The following CFAP221 variants were observed in gnomAD, a reference collection of about 807,000 sequenced individuals.
CFAP221 encodes the protein cilia and flagella associated protein 221, also known as cilia- and flagella-associated protein 221.
CFAP221 carries 97 observed loss-of-function variants against 113.1 expected under a neutral mutation model. The observed-to-expected ratio is 0.86, with a 90% CI of 0.73 to 1.02. The LOEUF (loss-of-function observed/expected upper bound fraction) is 1.02, where lower values mean the gene tolerates loss of function less well. Ranked by LOEUF, CFAP221 falls within the 50% of genes least tolerant of loss-of-function variation. The pLI is 0.00. For missense variants in CFAP221, 1,025 were observed against 1,013.4 expected (o/e 1.01, Z -0.16); for synonymous variants, 331 against 354.4 (o/e 0.93, Z 0.74).
intron 3 of CFAP221, chr2:119,557,117 G>C (rs1680863257): frequency 6.6e-6 from 1 of 152,140 alleles, no homozygotes; most frequent in East Asian, 1.9e-4. Context: ...ACAGATCTCT[G>C]TTCTGGTCTT....
intron 11 of CFAP221, among the ~76,000 whole-genome samples, chr2:119,608,028 C>A (rs6750770): frequency 0.99 from 150,252 of 152,320 alleles, 74,152 homozygotes; most frequent in Non-Finnish European, 1. Flanking sequence ...CATACCTAGG[C>A]GTGGAACTGC....
At chr2:119,552,318 GA>G (rs1343463828) in intron 3 of CFAP221, among the ~76,000 whole-genome samples, 1 of 141,570 alleles carries the variant, frequency 7.1e-6, no homozygotes, top group East Asian at 2.0e-4. Context: ...TCTTTAATAA[GA>G]AATAAATAGA....
chr2:119,567,142 A>G (rs1574017496), intron 6 of CFAP221, among the ~76,000 whole-genome samples: 2 of 152,284 alleles, frequency 1.3e-5, no homozygotes, highest in Non-Finnish European at 1.5e-5. Flanking sequence ...ATTATCACCC[A>G]AAGTCCATAG....
chr2:119,640,295 G>C (rs192927932), intron 21 of CFAP221, among the ~76,000 whole-genome samples: 1 of 151,982 alleles, frequency 6.6e-6, no homozygotes, highest in African/African-American at 2.4e-5. Flanking sequence ...AAGGATCCAT[G>C]GCCCTCTTGT....
At position 119,605,171 on chromosome 2, in the gene CFAP221, C is replaced by T; in HGVS notation, c.1025-10C>T. 1 of 1,607,158 alleles carries T rather than the reference C, an allele frequency of 6.2e-7. No homozygotes were observed. Among genetic ancestry groups the T allele is most frequent in the Non-Finnish European group, 8.5e-7 (1 of 1,173,782 alleles). On this transcript the variant is annotated splice_polypyrimidine_tract_variant and intron_variant, in intron 10 of 23. Transcript: ENST00000413369. Reference sequence around the variant, plus strand: ...TTACTGGTATAAACATTGTCTGCTCCTGCCTTCAGTTTTGGACCAGGGCAC... The same window carrying T: ...TTACTGGTATAAACATTGTCTGCTCTTGCCTTCAGTTTTGGACCAGGGCAC...
intron 7 of CFAP221, among the ~76,000 whole-genome samples, chr2:119,594,709 G>A (rs1460281040): frequency 6.6e-6 from 1 of 152,226 alleles, no homozygotes; most frequent in Non-Finnish European, 1.5e-5. Context: ...TGTGGAAGAA[G>A]GGATAATAAT....
intron 6 of CFAP221, among the ~76,000 whole-genome samples, chr2:119,565,745 T>C (rs1253288506): frequency 1.3e-5 from 2 of 152,314 alleles, no homozygotes; most frequent in East Asian, 3.9e-4. Flanking sequence ...CTTCATACCC[T>C]TAACGTAATG....
chr2:119,613,977 C>T (rs1337528456), intron 13 of CFAP221, among the ~76,000 whole-genome samples: 13 of 152,224 alleles, frequency 8.5e-5, no homozygotes, highest in African/African-American at 3.1e-4. Context: ...ACCCAAGTCA[C>T]CTCTTGAACA....
At chr2:119,584,314 T>C (rs1429147464) in intron 6 of CFAP221, among the ~76,000 whole-genome samples, 1 of 152,180 alleles carries the variant, frequency 6.6e-6, no homozygotes, top group African/African-American at 2.4e-5. Context: ...AGGCCAGTCA[T>C]GATGTCTCAT....
intron 5 of CFAP221, among the ~76,000 whole-genome samples, chr2:119,560,553 AG>A (rs1681171164): frequency 6.6e-6 from 1 of 152,084 alleles, no homozygotes; most frequent in Admixed American, 6.6e-5. Flanking sequence ...CTCCAGCCAG[AG>A]CTGCCGTCAT....
chr2:119,579,110 C>G (rs1682667143), intron 6 of CFAP221, among the ~76,000 whole-genome samples: 2 of 151,892 alleles, frequency 1.3e-5, no homozygotes, highest in Non-Finnish European at 2.9e-5. Context: ...TAATATATTT[C>G]TATGTATAGC....
At chr2:119,564,797 ATTTTG>A (rs797020794) in intron 6 of CFAP221, among the ~76,000 whole-genome samples, 18 of 152,092 alleles carry the variant, frequency 1.2e-4, no homozygotes, top group African/African-American at 2.2e-4. Context: ...AGTTTCCACT[ATTTTG>A]TTTTGTTTTG....
chr2:119,552,119 T>G (rs1680473220), intron 3 of CFAP221, among the ~76,000 whole-genome samples: 1 of 149,170 alleles, frequency 6.7e-6, no homozygotes, highest in South Asian at 2.1e-4. Flanking sequence ...ATTAACAACA[T>G]AACACTTTTG....
intron 22 of CFAP221, among the ~76,000 whole-genome samples, chr2:119,650,330 T>A (rs2104814025): frequency 6.6e-6 from 1 of 152,366 alleles, no homozygotes; most frequent in South Asian, 2.1e-4. Flanking sequence ...AAAGGAATGT[T>A]GATTTGCCAT....
intron 14 of CFAP221, among the ~76,000 whole-genome samples, chr2:119,618,419 G>GGCT (rs1685672937): frequency 6.6e-6 from 1 of 152,152 alleles, no homozygotes. Context: ...TTAGACAGTG[G>GGCT]GTACAGCCCA....
At chr2:119,598,609 C>T (rs1226535250) in intron 7 of CFAP221, among the ~76,000 whole-genome samples, 1 of 152,152 alleles carries the variant, frequency 6.6e-6, no homozygotes, top group Non-Finnish European at 1.5e-5. Flanking sequence ...GTGGGGGTTG[C>T]CCTTCTCACT....
intron 16 of CFAP221, among the ~76,000 whole-genome samples, chr2:119,628,294 G>GGGTGT (rs1553491014): frequency 2.9e-5 from 4 of 137,586 alleles, no homozygotes; most frequent in Non-Finnish European, 4.6e-5. Flanking sequence ...CTCTCTGGGG[G>GGGTGT]GTGTGTGTGT....
At chr2:119,622,820 C>G (rs375302238) in intron 14 of CFAP221, among the ~76,000 whole-genome samples, 11 of 152,232 alleles carry the variant, frequency 7.2e-5, no homozygotes, top group East Asian at 5.8e-4. Flanking sequence ...ATTGAACACC[C>G]CTTCATGCTC....
chr2:119,560,014 T>C lies in CFAP221; in HGVS notation c.414T>C (p.Arg138=). 1 of 1,530,904 alleles carries C rather than the reference T, an allele frequency of 6.5e-7. No homozygotes were observed. The highest frequency in any genetic ancestry group is 8.8e-7 in the Non-Finnish European group (1 of 1,142,810). The allele number at this position is 1,530,904 out of a possible 1,614,324, so 94.8% of individuals were successfully genotyped here. ...GGCGATACTATTATGACTGCATCCG[T>C]GTTCACTGTAAGGTAGGTCTCTTAA... is the stretch of plus-strand genomic sequence containing the variant. ...DEWRYYYDCI[R]VHCKGDDTLL... is the part of the protein sequence containing the mutation. Residue 138 remains arginine, a synonymous_variant, in exon 5 of 24, where the codon CGT becomes CGC. Coordinates refer to ENST00000413369, the MANE Select transcript of CFAP221 (RefSeq NM_001271049.2).
Sources: allele counts gnomAD v4.1 joint callset (sites outside exome capture counted in the v4.1 genomes callset), GRCh38; gene constraint gnomAD v4.1.1; transcripts MANE v1.5; gene names NCBI Gene and HGNC (gene_info 2026-07-23, HGNC 2026-07-21).